The following CDH12 variants were observed in gnomAD, a reference collection of about 807,000 sequenced individuals.
CDH12 encodes cadherin-12.
CDH12 carries 41 observed loss-of-function variants against 74.1 expected under a neutral mutation model. That is an observed-to-expected ratio of 0.55 (90% CI 0.43 to 0.72). The LOEUF (loss-of-function observed/expected upper bound fraction) is 0.72, where lower values mean the gene tolerates loss of function less well. Among genes scored for constraint, CDH12 ranks in the 30% least tolerant of loss-of-function variants. CDH12 has a pLI of 0.00. For synonymous variants in CDH12, 399 were observed against 355.0 expected (o/e 1.12, Z -1.39); for missense variants, 945 against 977.2 (o/e 0.97, Z 0.44).
At chr5:22,527,912 A>C (rs938395786) in intron 1 of CDH12, among the ~76,000 whole-genome samples, 1 of 152,268 alleles carries the variant, frequency 6.6e-6, no homozygotes, top group Non-Finnish European at 1.5e-5. Context: ...CTGCTAAGTG[A>C]GCTCATATCG....
chr5:22,375,002 T>C (rs918682465), intron 3 of CDH12, among the ~76,000 whole-genome samples: 14 of 151,848 alleles, frequency 9.2e-5, no homozygotes, highest in African/African-American at 2.9e-4. Context: ...GTCAAAGCAA[T>C]ACTGAGCAAA....
chr5:22,624,545 A>C (rs570402914), intron 1 of CDH12, among the ~76,000 whole-genome samples: 1 of 152,350 alleles, frequency 6.6e-6, no homozygotes, highest in Admixed American at 6.5e-5. Context: ...TGTAGCCAAC[A>C]GACACATGAA....
In CDH12 at chr5:21,764,932, A is replaced by C. The variant is rs368903344; in HGVS notation, c.1515+46T>G. The C allele has an allele frequency of 1.9e-6, 3 of 1,596,756 alleles. No homozygotes were observed. The South Asian group carries it at 3.3e-5, about 18-fold the overall frequency. On this transcript the variant is annotated intron_variant, in intron 12 of 14. Transcript: ENST00000382254. ...TCTGGACTTATAACTTAAAACATGC[A>C]TATGGTGGGTCTTTATACACTCAAG...
chr5:22,545,745 C>G (rs1026546023), intron 1 of CDH12, among the ~76,000 whole-genome samples: 1 of 151,938 alleles, frequency 6.6e-6, no homozygotes, highest in Non-Finnish European at 1.5e-5. Flanking sequence ...TATAATTATA[C>G]TCATTCTATT....
intron 4 of CDH12, among the ~76,000 whole-genome samples, chr5:22,095,766 C>T (rs116308838): frequency 0.017 from 2,515 of 151,718 alleles, 64 homozygotes; most frequent in African/African-American, 0.057. Context: ...CTCTGCACCC[C>T]GATCCCTTAA....
Position 22,824,413 on chromosome 5 carries a change from A to T in CDH12, c.-523+28645T>A, listed in dbSNP as rs117619123. 3.2e-3 allele frequency among the ~76,000 whole-genome samples: 482 copies of T among 152,266 alleles called. 9 individuals carry two copies. In the East Asian group the frequency reaches 0.057, roughly 18 times the overall value. ...AAATTTCTCACAAAATTTGTATATG[A>T]AAAGCATACACATACAAATGAGTAA... On this transcript the variant is annotated intron_variant, in intron 1 of 14. Coordinates refer to ENST00000382254, the MANE Select transcript of CDH12 (RefSeq NM_004061.5).
At chr5:22,749,721 G>A (rs759031805) in intron 1 of CDH12, among the ~76,000 whole-genome samples, 3 of 152,142 alleles carry the variant, frequency 2.0e-5, no homozygotes, top group African/African-American at 4.8e-5. Flanking sequence ...TTCAGAGAAG[G>A]CAAAATTGAT....
intron 5 of CDH12, among the ~76,000 whole-genome samples, chr5:22,068,339 C>T (rs549186811): frequency 6.6e-6 from 1 of 152,280 alleles, no homozygotes; most frequent in South Asian, 2.1e-4. Context: ...GAAAGAGAAG[C>T]CTTGAGCCTG....
chr5:22,407,101 C>A (rs1369224474), intron 2 of CDH12, among the ~76,000 whole-genome samples: 1 of 151,988 alleles, frequency 6.6e-6, no homozygotes, highest in African/African-American at 2.4e-5. Flanking sequence ...CAATCTGAAT[C>A]TCTAAGTAAA....
chr5:22,747,607 CAAA>C (rs34948688), intron 1 of CDH12, among the ~76,000 whole-genome samples: 2 of 110,920 alleles, frequency 1.8e-5, no homozygotes, highest in Non-Finnish European at 3.5e-5. Context: ...GAGACGCTGC[CAAA>C]AAAAAAAAAA....
intron 6 of CDH12, among the ~76,000 whole-genome samples, chr5:21,908,892 T>A (rs1753750224): frequency 6.6e-6 from 1 of 152,168 alleles, no homozygotes. Context: ...TTCCCCAACT[T>A]GATAGCAGGG....
intron 3 of CDH12, among the ~76,000 whole-genome samples, chr5:22,250,884 A>G (rs1753111279): frequency 6.6e-6 from 1 of 152,198 alleles, no homozygotes. Flanking sequence ...TGAATATAGG[A>G]AAAAGTCCAG....
intron 2 of CDH12, among the ~76,000 whole-genome samples, chr5:22,408,448 AGAC>A (rs1743032072): frequency 6.6e-6 from 1 of 151,334 alleles, no homozygotes. Flanking sequence ...CTCAGTTTTA[AGAC>A]ATTCTTCAAA....
intron 1 of CDH12, among the ~76,000 whole-genome samples, chr5:22,516,269 T>C (rs1736802527): frequency 6.6e-6 from 1 of 152,292 alleles, no homozygotes; most frequent in East Asian, 1.9e-4. Context: ...TTTGTCACTA[T>C]GTATAAATAA....
intron 2 of CDH12, among the ~76,000 whole-genome samples, chr5:22,472,557 A>G (rs1311870537): frequency 6.6e-6 from 1 of 152,126 alleles, no homozygotes; most frequent in African/African-American, 2.4e-5. Context: ...TTAAATGCTA[A>G]TATTTCCAAA....
chr5:22,777,941 G>A (rs1747188623), intron 1 of CDH12, among the ~76,000 whole-genome samples: 1 of 151,964 alleles, frequency 6.6e-6, no homozygotes, highest in African/African-American at 2.4e-5. Flanking sequence ...AGCTTCCCGA[G>A]TAGTTGGGAG....
intron 3 of CDH12, among the ~76,000 whole-genome samples, chr5:22,399,337 T>C (rs536068736): frequency 3.3e-5 from 5 of 152,158 alleles, no homozygotes; most frequent in South Asian, 2.1e-4. Context: ...CATGTAAGAA[T>C]TGTACTAAGT....
intron 6 of CDH12, among the ~76,000 whole-genome samples, chr5:21,888,297 A>G (rs947233062): frequency 6.6e-6 from 1 of 152,150 alleles, no homozygotes; most frequent in African/African-American, 2.4e-5. Flanking sequence ...AAACTTAGAG[A>G]CTTACTTTTC....
At chr5:22,181,335 T>C (rs1749633616) in intron 4 of CDH12, among the ~76,000 whole-genome samples, 1 of 152,130 alleles carries the variant, frequency 6.6e-6, no homozygotes, top group Non-Finnish European at 1.5e-5. Flanking sequence ...TCCCTCTCCT[T>C]TATCACATAG....
Sources: gnomAD v4.1 joint callset for allele counts (sites outside exome capture counted in the v4.1 genomes callset) on GRCh38, gnomAD v4.1.1 for gene constraint, MANE v1.5 for transcripts, NCBI Gene and HGNC (gene_info 2026-07-23, HGNC 2026-07-21) for gene names.